Variants in PPM1L observed in about 807,000 individuals in gnomAD.
PPM1L encodes the protein protein phosphatase, Mg2+/Mn2+ dependent 1L.
PPM1L carries 13 observed loss-of-function variants against 31.4 expected under a neutral mutation model. That is an observed-to-expected ratio of 0.41 (90% confidence interval 0.27 to 0.66). The LOEUF is 0.66. Ranked by LOEUF, PPM1L falls within the 30% of genes least tolerant of loss-of-function variation. The pLI is 0.29. For missense variants in PPM1L, 326 were observed against 453.7 expected (o/e 0.72, Z 2.56); for synonymous variants, 184 against 175.4 (o/e 1.05, Z -0.39).
intron 1 of PPM1L, among the ~76,000 whole-genome samples, chr3:160,949,537 A>G (rs1454731628): frequency 1.3e-5 from 2 of 152,136 alleles, no homozygotes; most frequent in Admixed American, 1.3e-4. Context: ...TGATAGGAAG[A>G]AACATTGTGG....
intron 1 of PPM1L, among the ~76,000 whole-genome samples, chr3:160,871,758 T>G (rs1712313813): frequency 6.6e-6 from 1 of 152,026 alleles, no homozygotes; most frequent in Non-Finnish European, 1.5e-5. Context: ...TGTTGTCTCC[T>G]TCCTTTTTTT....
At chr3:160,770,328 G>A (rs1478050743) in intron 1 of PPM1L, among the ~76,000 whole-genome samples, 1 of 152,076 alleles carries the variant, frequency 6.6e-6, no homozygotes. Context: ...TCATGTTCCT[G>A]TGTTTGAGAT....
chr3:160,920,891 G>A (rs1229964438), intron 1 of PPM1L, among the ~76,000 whole-genome samples: 4 of 151,984 alleles, frequency 2.6e-5, no homozygotes, highest in Non-Finnish European at 5.9e-5. Context: ...TTACTAGAAG[G>A]CCTGCATTAT....
chr3:160,992,253 A>G (rs1717157140), intron 2 of PPM1L, among the ~76,000 whole-genome samples: 1 of 152,220 alleles, frequency 6.6e-6, no homozygotes, highest in Non-Finnish European at 1.5e-5. Flanking sequence ...TGATCAAGCT[A>G]AATATTTGTG....
rs1397804604 is a variant in PPM1L, at chr3:160,756,632, C to A, written c.324C>A (p.Arg108=). ...IQGRRDHMED[R]FEVLTDLANK... ...GCCGGAGAGACCACATGGAGGACCGCTTCGAAGTTCTCACGGATCTGGCCA... is the reference window on the plus strand; with the variant it reads ...GCCGGAGAGACCACATGGAGGACCGATTCGAAGTTCTCACGGATCTGGCCA... The change falls in exon 1 of 4, where the codon CGC becomes CGA. Residue 108 remains arginine (R), a synonymous_variant. Transcript: ENST00000498165. This position sits in a 1 kb window ranked among gnomAD's most constrained non-coding sequence, Gnocchi z 6.2. 1 of 1,614,176 alleles carries A rather than the reference C, an allele frequency of 6.2e-7. No homozygotes were observed. The highest frequency in any genetic ancestry group is 8.5e-7 in the Non-Finnish European group (1 of 1,180,026).
chr3:160,797,666 A>G (rs1336963953), intron 1 of PPM1L, among the ~76,000 whole-genome samples: 1 of 152,244 alleles, frequency 6.6e-6, no homozygotes, highest in Admixed American at 6.5e-5. Context: ...CAAGAAAGTA[A>G]GACAGCCTTC....
At chr3:160,963,138 G>A (rs1424866159) in intron 2 of PPM1L, among the ~76,000 whole-genome samples, 2 of 152,040 alleles carry the variant, frequency 1.3e-5, no homozygotes, top group South Asian at 2.1e-4. Flanking sequence ...AATATTCATA[G>A]CATCTTATAG....
intron 1 of PPM1L, among the ~76,000 whole-genome samples, chr3:160,863,874 G>C (rs995264608): frequency 6.6e-6 from 1 of 152,142 alleles, no homozygotes; most frequent in South Asian, 2.1e-4. Context: ...ATCTGAAAAT[G>C]CAGGTATGAA....
intron 1 of PPM1L, among the ~76,000 whole-genome samples, chr3:160,866,222 G>C (rs1424981884): frequency 6.6e-6 from 1 of 152,158 alleles, no homozygotes; most frequent in East Asian, 1.9e-4. Context: ...AATATCTGCT[G>C]TATTTAGTAC....
intron 2 of PPM1L, among the ~76,000 whole-genome samples, chr3:161,019,451 G>T (rs1162952754): frequency 6.6e-6 from 1 of 152,124 alleles, no homozygotes; most frequent in Non-Finnish European, 1.5e-5. Flanking sequence ...TCCTATCTTG[G>T]CTTGCAAAAG....
intron 3 of PPM1L, among the ~76,000 whole-genome samples, chr3:161,068,496 TCTA>T (rs749056675): frequency 1.3e-5 from 2 of 152,228 alleles, no homozygotes; most frequent in Non-Finnish European, 2.9e-5. Context: ...CCTCATGCTC[TCTA>T]CTGTCAATCA....
At chr3:160,769,026 T>C (rs1405501848) in intron 1 of PPM1L, among the ~76,000 whole-genome samples, 1 of 152,176 alleles carries the variant, frequency 6.6e-6, no homozygotes, top group Admixed American at 6.5e-5. Context: ...GAAACCTCTC[T>C]AGAAAGTACT....
chr3:160,845,378 A>T (rs1208321975), intron 1 of PPM1L, among the ~76,000 whole-genome samples: 1 of 152,076 alleles, frequency 6.6e-6, no homozygotes, highest in Non-Finnish European at 1.5e-5. Flanking sequence ...GTTTTAAAAG[A>T]TATTCTGGAT....
intron 1 of PPM1L, among the ~76,000 whole-genome samples, chr3:160,929,258 AATTTT>A (rs1181578004): frequency 2.0e-5 from 3 of 152,178 alleles, no homozygotes; most frequent in African/African-American, 7.2e-5. Context: ...TTTTTCTCTT[AATTTT>A]AAGTAATATA....
At chr3:161,046,943 A>C (rs1023050578) in intron 2 of PPM1L, among the ~76,000 whole-genome samples, 2 of 152,182 alleles carry the variant, frequency 1.3e-5, no homozygotes, top group Non-Finnish European at 2.9e-5. Flanking sequence ...CGTATCTCAA[A>C]ATAATAAGAG....
chr3:160,872,958 C>G (rs1712367631), intron 1 of PPM1L, among the ~76,000 whole-genome samples: 1 of 152,094 alleles, frequency 6.6e-6, no homozygotes, highest in Non-Finnish European at 1.5e-5. Context: ...ATTAGTTATA[C>G]TGTTTATGAT....
intron 2 of PPM1L, among the ~76,000 whole-genome samples, chr3:160,970,982 G>C (rs1716322757): frequency 6.6e-6 from 1 of 151,974 alleles, no homozygotes; most frequent in Non-Finnish European, 1.5e-5. Flanking sequence ...AGTAGAGACG[G>C]GGTTTCACCC....
At chr3:160,897,654 T>G (rs1024453348) in intron 1 of PPM1L, among the ~76,000 whole-genome samples, 1 of 152,256 alleles carries the variant, frequency 6.6e-6, no homozygotes, top group Non-Finnish European at 1.5e-5. Flanking sequence ...TGCATTGGAT[T>G]AGGTGATCTC....
intron 2 of PPM1L, among the ~76,000 whole-genome samples, chr3:161,002,484 T>A (rs1717531408): frequency 6.6e-6 from 1 of 151,974 alleles, no homozygotes; most frequent in East Asian, 1.9e-4. Flanking sequence ...TTTCTCCACA[T>A]CCTCTCCAGC....
Sources: gnomAD v4.1 joint callset for allele counts (sites outside exome capture counted in the v4.1 genomes callset) on GRCh38, gnomAD v4.1.1 for gene constraint, Gnocchi (gnomAD v3.1) non-coding constraint, MANE v1.5 for transcripts, NCBI Gene and HGNC (gene_info 2026-07-23, HGNC 2026-07-21) for gene names.